The following MFHAS1 variants were observed in gnomAD, a reference collection of about 807,000 sequenced individuals.
MFHAS1 encodes the protein multifunctional ROCO family signaling regulator 1, also known as malignant fibrous histiocytoma-amplified sequence 1.
In MFHAS1, 50 loss-of-function variants were observed where a neutral mutation model predicts 70.4. The ratio of observed to expected loss-of-function variants is 0.71; its 90% CI spans 0.57 to 0.90. The LOEUF is 0.90. Ranked by LOEUF, MFHAS1 falls within the 40% of genes least tolerant of loss-of-function variation. MFHAS1 has a pLI of 0.00. For synonymous variants in MFHAS1, 952 were observed against 620.0 expected (o/e 1.54, Z -7.96); for missense variants, 1,795 against 1,347.6 (o/e 1.33, Z -5.20).
At position 8,891,191 on chromosome 8, in the gene MFHAS1, G is replaced by A; in HGVS notation, c.1868C>T (p.Pro623Leu). ...GTCCCTGCAGCTAACAGGCAACACGGGGGAGAGGATCTGCAGCCGGTGGTT... is the reference window on the plus strand; with the variant it reads ...GTCCCTGCAGCTAACAGGCAACACGAGGGAGAGGATCTGCAGCCGGTGGTT... Reference protein sequence around the residue: ...LLNHRLQILSPVLPVSCRDPR... With the variant: ...LLNHRLQILSLVLPVSCRDPR... Residue 623 changes from proline (P) to leucine (L), a missense_variant, in exon 1 of 3, where the codon CCC (proline) becomes CTC (leucine). Transcript: ENST00000276282. This position sits in a 1 kb window ranked among gnomAD's most constrained non-coding sequence, Gnocchi z 5.4. 2.5e-6 allele frequency: 4 copies of A among 1,613,086 alleles called. No homozygotes were observed. The highest frequency in any genetic ancestry group is 3.4e-6 in the Non-Finnish European group (4 of 1,180,028).
intron 1 of MFHAS1, among the ~76,000 whole-genome samples, chr8:8,869,608 C>T (rs539988968): frequency 2.7e-4 from 41 of 152,290 alleles, no homozygotes; most frequent in African/African-American, 8.2e-4. Context: ...GGTGGCTACA[C>T]GACCCTAATA....
intron 1 of MFHAS1, among the ~76,000 whole-genome samples, chr8:8,805,630 C>T (rs28513197): frequency 0.12 from 18,245 of 152,106 alleles, 1,535 homozygotes; most frequent in African/African-American, 0.23. Flanking sequence ...AGTTCAAACT[C>T]GTGTGTGTTC....
intron 1 of MFHAS1, among the ~76,000 whole-genome samples, chr8:8,882,961 T>C (rs13268804): frequency 0.2 from 30,098 of 152,076 alleles, 3,437 homozygotes; most frequent in African/African-American, 0.31. Flanking sequence ...GAGACCAGCC[T>C]GGCCAACATG....
chr8:8,812,177 T>G (rs960020703), intron 1 of MFHAS1, among the ~76,000 whole-genome samples: 1 of 148,138 alleles, frequency 6.8e-6, no homozygotes, highest in Non-Finnish European at 1.5e-5. Context: ...AGCCCGTAAG[T>G]GTAGTGCAAA....
intron 1 of MFHAS1, among the ~76,000 whole-genome samples, chr8:8,866,367 G>A (rs1039945851): frequency 6.7e-6 from 1 of 149,768 alleles, no homozygotes; most frequent in African/African-American, 2.5e-5. Flanking sequence ...CCTCTAGGCT[G>A]GAGTACGGTG....
rs143405626 is a variant in MFHAS1, at chr8:8,823,764, C to A, written c.2999-26273G>T. Among the ~76,000 whole-genome samples, 449 of 147,684 alleles carry A rather than the reference C, an allele frequency of 3.0e-3. 4 individuals are homozygous for A. Among genetic ancestry groups the A allele is most frequent in the African/African-American group, 0.011 (428 of 39,982 alleles). On this transcript the variant is annotated intron_variant, in intron 1 of 2. Coordinates refer to ENST00000276282, the MANE Select transcript of MFHAS1 (RefSeq NM_004225.3). ...ATCACCTGCGAAATTTCAAGACCCA[C>A]GGTGGCTGTGCTCCATCTCTGATGT...
At chr8:8,858,162 AG>A (rs34652061) in intron 1 of MFHAS1, among the ~76,000 whole-genome samples, 22 of 152,224 alleles carry the variant, frequency 1.4e-4, no homozygotes, top group Non-Finnish European at 2.6e-4. Context: ...TATACAAGGC[AG>A]GGAGTAGTTA....
Position 8,880,117 on chromosome 8 carries a change from C to G in MFHAS1, c.2998+9944G>C, listed in dbSNP as rs942934340. ...GCTTGGATGCCCTCCTTTCTGTCCTCTCATCCACACTAAGAGGATCCCCAC... is the reference window on the plus strand; with the variant it reads ...GCTTGGATGCCCTCCTTTCTGTCCTGTCATCCACACTAAGAGGATCCCCAC... On this transcript the variant is annotated intron_variant, in intron 1 of 2. Transcript: ENST00000276282. 1.8e-4 allele frequency among the ~76,000 whole-genome samples: 27 copies of G among 152,192 alleles called. 1 individual carries two copies. Among genetic ancestry groups the G allele is most frequent in the Admixed American group, 6.5e-5 (1 of 15,274 alleles).
chr8:8,865,758 TA>T (rs1320787954), intron 1 of MFHAS1, among the ~76,000 whole-genome samples: 1 of 152,246 alleles, frequency 6.6e-6, no homozygotes. Flanking sequence ...TTAGTCCAAC[TA>T]TTTTTGGGTC....
intron 1 of MFHAS1, among the ~76,000 whole-genome samples, chr8:8,837,289 G>T (rs956790788): frequency 6.6e-6 from 1 of 152,140 alleles, no homozygotes; most frequent in Non-Finnish European, 1.5e-5. Context: ...ATTTTAAAAA[G>T]CAATGCAGCA....
chr8:8,797,634 C>T (rs573271162), intron 1 of MFHAS1, 143 bp from the exon 2 acceptor site: 11 of 934,478 alleles, frequency 1.2e-5, no homozygotes, highest in South Asian at 3.6e-5. Flanking sequence ...AAATGTGCAA[C>T]CAAGAACAGC....
intron 1 of MFHAS1, among the ~76,000 whole-genome samples, chr8:8,858,632 C>A (rs1309007253): frequency 6.6e-6 from 1 of 152,086 alleles, no homozygotes; most frequent in Non-Finnish European, 1.5e-5. Context: ...AGACAGTCCT[C>A]CCTCGGTATA....
At chr8:8,885,151 G>A (rs1366828454) in intron 1 of MFHAS1, among the ~76,000 whole-genome samples, 1 of 152,026 alleles carries the variant, frequency 6.6e-6, no homozygotes, top group Non-Finnish European at 1.5e-5. Context: ...TTGTCGGAGA[G>A]GTACACTCCG....
intron 1 of MFHAS1, among the ~76,000 whole-genome samples, chr8:8,834,057 C>T (rs1174588523): frequency 6.6e-6 from 1 of 151,678 alleles, no homozygotes; most frequent in African/African-American, 2.4e-5. Flanking sequence ...ACCCGGGAGG[C>T]GGAGGCTGCA....
intron 2 of MFHAS1, among the ~76,000 whole-genome samples, chr8:8,786,381 A>T (rs1805542777): frequency 3.3e-5 from 5 of 152,122 alleles, no homozygotes; most frequent in Non-Finnish European, 1.5e-5. Context: ...ACAACCCAAA[A>T]CTCTAAACAC....
intron 1 of MFHAS1, among the ~76,000 whole-genome samples, chr8:8,884,364 A>T: frequency 6.6e-6 from 1 of 152,200 alleles, no homozygotes; most frequent in Non-Finnish European, 1.5e-5. Flanking sequence ...AATATTAATA[A>T]AGCTTAACCA....
intron 1 of MFHAS1, among the ~76,000 whole-genome samples, chr8:8,867,529 G>C (rs1338882142): frequency 6.6e-6 from 1 of 151,590 alleles, no homozygotes; most frequent in East Asian, 1.9e-4. Flanking sequence ...ACGCCAATAA[G>C]CTAATGATAA....
chr8:8,870,513 C>T (rs757933944), intron 1 of MFHAS1, among the ~76,000 whole-genome samples: 3 of 152,024 alleles, frequency 2.0e-5, no homozygotes, highest in East Asian at 1.9e-4. Flanking sequence ...TATTTACAGA[C>T]GTGCATTGAT....
chr8:8,837,896 T>C (rs952238741), intron 1 of MFHAS1, among the ~76,000 whole-genome samples: 3 of 152,128 alleles, frequency 2.0e-5, no homozygotes, highest in African/African-American at 7.2e-5. Context: ...CGAAATGATT[T>C]AACACCATGT....
Sources: gnomAD v4.1 joint callset for allele counts (sites outside exome capture counted in the v4.1 genomes callset) on GRCh38, gnomAD v4.1.1 for gene constraint, Gnocchi (gnomAD v3.1) non-coding constraint, MANE v1.5 for transcripts, NCBI Gene and HGNC (gene_info 2026-07-23, HGNC 2026-07-21) for gene names.